Variants in CSNK1G3 observed in about 807,000 individuals in gnomAD.
CSNK1G3 encodes the protein casein kinase 1 gamma 3, also known as casein kinase I isoform gamma-3.
In CSNK1G3, 23 loss-of-function variants were observed where a neutral mutation model predicts 64.3. That is an observed-to-expected ratio of 0.36 (90% CI 0.26 to 0.51). The LOEUF is 0.51. CSNK1G3 is among the 20% of genes least tolerant of loss of function. The probability of loss-of-function intolerance (pLI) is 0.96; values close to 1 mark genes in which losing one functional copy is unlikely to be tolerated. For missense variants in CSNK1G3, 357 were observed against 510.5 expected (o/e 0.70, Z 2.90); for synonymous variants, 158 against 162.2 (o/e 0.97, Z 0.20).
chr5:123,534,152 T>C (rs1780421899), intron 1 of CSNK1G3, among the ~76,000 whole-genome samples: 1 of 152,076 alleles, frequency 6.6e-6, no homozygotes, highest in South Asian at 2.1e-4. Flanking sequence ...CTAGAGCCCT[T>C]GTCATCAAAT....
intron 4 of CSNK1G3, among the ~76,000 whole-genome samples, chr5:123,571,768 G>GA (rs957119726): frequency 4.9e-5 from 7 of 142,406 alleles, no homozygotes; most frequent in East Asian, 4.0e-4. Context: ...TCAATATACT[G>GA]AAAAAAAATC....
At chr5:123,595,537 A>G (rs1195868351) in intron 10 of CSNK1G3, among the ~76,000 whole-genome samples, 2 of 152,158 alleles carry the variant, frequency 1.3e-5, no homozygotes, top group Non-Finnish European at 2.9e-5. Flanking sequence ...ATAATCAGTT[A>G]AATATCTTTT....
At chr5:123,588,003 A>T in intron 6 of CSNK1G3, 65 bp from the exon 7 acceptor site, 1 of 1,019,818 alleles carries the variant, frequency 9.8e-7, no homozygotes, top group South Asian at 1.5e-5. Flanking sequence ...GAAAGAACAA[A>T]CTCTCCATTC....
intron 12 of CSNK1G3, among the ~76,000 whole-genome samples, chr5:123,612,623 G>A (rs962078960): frequency 4.0e-5 from 6 of 151,716 alleles, no homozygotes; most frequent in South Asian, 2.1e-4. Context: ...GATTACAGGT[G>A]CCTGTCACCA....
At chr5:123,577,718 GT>G (rs796615235) in intron 6 of CSNK1G3, among the ~76,000 whole-genome samples, 2,795 of 147,018 alleles carry the variant, frequency 0.019, 92 homozygotes, top group African/African-American at 0.064. Flanking sequence ...TTATTGAAGA[GT>G]TTTTTTTTTA....
At chr5:123,571,244 C>T (rs1049724099) in intron 4 of CSNK1G3, among the ~76,000 whole-genome samples, 2 of 152,048 alleles carry the variant, frequency 1.3e-5, no homozygotes, top group African/African-American at 2.4e-5. Context: ...TGTATCCATT[C>T]CTGCTATGAT....
At chr5:123,553,625 A>T (rs1784095932) in intron 3 of CSNK1G3, among the ~76,000 whole-genome samples, 1 of 152,204 alleles carries the variant, frequency 6.6e-6, no homozygotes, top group Non-Finnish European at 1.5e-5. Flanking sequence ...GGGATGCAGA[A>T]ATGCTTGATG....
chr5:123,554,376 A>G (rs114514442), intron 3 of CSNK1G3, among the ~76,000 whole-genome samples: 1 of 152,176 alleles, frequency 6.6e-6, no homozygotes, highest in Admixed American at 6.5e-5. Context: ...CACACTATCA[A>G]GCTCTCAGAT....
intron 6 of CSNK1G3, among the ~76,000 whole-genome samples, chr5:123,587,073 A>G (rs570093264): frequency 1.3e-5 from 2 of 152,346 alleles, no homozygotes; most frequent in African/African-American, 2.4e-5. Context: ...CTCACAACGC[A>G]TGAGAATTCA....
At chr5:123,589,246 CAACAT>C (rs1791902354) in intron 8 of CSNK1G3, among the ~76,000 whole-genome samples, 1 of 152,068 alleles carries the variant, frequency 6.6e-6, no homozygotes, top group African/African-American at 2.4e-5. Context: ...ATAATATTAT[CAACAT>C]AACAAAAGTA....
At chr5:123,544,030 G>A (rs1782124186) in intron 1 of CSNK1G3, among the ~76,000 whole-genome samples, 1 of 152,048 alleles carries the variant, frequency 6.6e-6, no homozygotes, top group Non-Finnish European at 1.5e-5. Flanking sequence ...AGGACACATA[G>A]CCCTCCTGTG....
At chr5:123,579,456 AT>A (rs1202649748) in intron 6 of CSNK1G3, among the ~76,000 whole-genome samples, 2 of 151,936 alleles carry the variant, frequency 1.3e-5, no homozygotes, top group Non-Finnish European at 2.9e-5. Context: ...TGTGACTTCA[AT>A]TAAAACCAGG....
chr5:123,514,122 C>G (rs1776724841), intron 1 of CSNK1G3, among the ~76,000 whole-genome samples: 1 of 152,128 alleles, frequency 6.6e-6, no homozygotes, highest in South Asian at 2.1e-4. Flanking sequence ...TTTATGTGAA[C>G]TGGCATTTCT....
exon 7 of CSNK1G3, chr5:123,588,127 G>C (rs1404514529): frequency 5.0e-6 from 8 of 1,604,570 alleles, no homozygotes; most frequent in Non-Finnish European, 6.8e-6. Context: ...TTTTCTGAGA[G>C]GCAGTCTTCC....
chr5:123,570,645 C>T (rs529950862), intron 4 of CSNK1G3, among the ~76,000 whole-genome samples: 8 of 152,212 alleles, frequency 5.3e-5, no homozygotes, highest in East Asian at 1.9e-4. Flanking sequence ...CATGAGCTAC[C>T]GCGCCCAGCC....
intron 10 of CSNK1G3, among the ~76,000 whole-genome samples, chr5:123,600,024 C>G (rs768719427): frequency 4.0e-5 from 6 of 151,832 alleles, no homozygotes; most frequent in Non-Finnish European, 5.9e-5. Flanking sequence ...TTTGGAATAC[C>G]AAGAGTATCA....
At chr5:123,519,049 C>T (rs1487731876) in intron 1 of CSNK1G3, among the ~76,000 whole-genome samples, 1 of 150,310 alleles carries the variant, frequency 6.7e-6, no homozygotes, top group African/African-American at 2.5e-5. Flanking sequence ...CTTGAGTCAC[C>T]GTGGCTGGCA....
At chr5:123,537,681 A>G (rs1159982056) in intron 1 of CSNK1G3, among the ~76,000 whole-genome samples, 1 of 152,182 alleles carries the variant, frequency 6.6e-6, no homozygotes, top group Non-Finnish European at 1.5e-5. Flanking sequence ...AGTTGTTTTT[A>G]AAAATCATAT....
intron 1 of CSNK1G3, among the ~76,000 whole-genome samples, chr5:123,514,838 T>C (rs1776859340): frequency 6.6e-6 from 1 of 151,988 alleles, no homozygotes; most frequent in South Asian, 2.1e-4. Context: ...GGAGAAGCTA[T>C]GAAAGTAGGT....
Sources: gnomAD v4.1 joint callset for allele counts (sites outside exome capture counted in the v4.1 genomes callset) on GRCh38, gnomAD v4.1.1 for gene constraint, MANE v1.5 for transcripts, NCBI Gene and HGNC (gene_info 2026-07-23, HGNC 2026-07-21) for gene names.